B3GALT5: variants seen among roughly 807,000 people sequenced by gnomAD.
B3GALT5 encodes the protein UDP-Gal:betaGlcNAc beta 1,3-galactosyltransferase, polypeptide 5.
For synonymous variants in B3GALT5, 156 were observed against 158.6 expected (o/e 0.98, Z 0.12); for missense variants, 328 against 396.6 (o/e 0.83, Z 1.47).
rs993874286 is a variant in B3GALT5, at chr21:39,658,023, C to T, written c.-160-1730C>T. On this transcript the variant is annotated intron_variant, in intron 2 of 3. Transcript: ENST00000684187. Reference sequence around the variant, plus strand: ...CTAGGATCTGGGGACACAGGCTGCCCTTTCCAGGCTCTGTCTGCTGGTGCT... The same window carrying T: ...CTAGGATCTGGGGACACAGGCTGCCTTTTCCAGGCTCTGTCTGCTGGTGCT... 8 of 797,610 alleles carry T rather than the reference C, an allele frequency of 1.0e-5. No homozygotes were observed. The African/African-American group carries it at 1.2e-4, about 12-fold the overall frequency. 49.4% of individuals were successfully genotyped at this position (797,610 alleles called of 1,614,324 possible). A position where few individuals can be genotyped will look rare whatever the true frequency, so the allele number is the denominator to read the frequency against.
rs575154683 is a variant in B3GALT5, at chr21:39,670,852, T to G, written c.*9360T>G. The G allele has an allele frequency of 6.6e-6, 1 of 152,354 alleles. No homozygotes were observed. The highest frequency in any genetic ancestry group is 1.9e-4 in the East Asian group (1 of 5,194). The allele number at this position is 152,354 out of a possible 1,614,324, so 9.4% of individuals were successfully genotyped here. A position where few individuals can be genotyped will look rare whatever the true frequency, so the allele number is the denominator to read the frequency against. Reference sequence around the variant, plus strand: ...TCTAACAGCTGCCATGCACCCTCATTTTAAAAACAGATGAGGCAATGTTTA... The same window carrying G: ...TCTAACAGCTGCCATGCACCCTCATGTTAAAAACAGATGAGGCAATGTTTA... On this transcript the variant is annotated 3_prime_UTR_variant, in exon 4 of 4. Coordinates refer to ENST00000684187, the MANE Select transcript of B3GALT5 (RefSeq NM_001356336.2).
At chr21:39,630,088 T>A (rs2079183649) in intron 1 of B3GALT5, among the ~76,000 whole-genome samples, 1 of 152,200 alleles carries the variant, frequency 6.6e-6, no homozygotes, top group African/African-American at 2.4e-5. Context: ...GGTCCTAGCG[T>A]ATTCTCTAAC....
chr21:39,625,888 C>A (rs778956316), intron 1 of B3GALT5, among the ~76,000 whole-genome samples: 4 of 152,118 alleles, frequency 2.6e-5, no homozygotes, highest in African/African-American at 4.8e-5. Context: ...TGCATGTTAT[C>A]TGTAAAGTTT....
At chr21:39,617,985 A>C (rs2079115476) in intron 1 of B3GALT5, among the ~76,000 whole-genome samples, 1 of 146,394 alleles carries the variant, frequency 6.8e-6, no homozygotes, top group Non-Finnish European at 1.5e-5. Context: ...GAAAAAAATA[A>C]ATAAATAAAA....
intron 2 of B3GALT5, among the ~76,000 whole-genome samples, chr21:39,647,327 G>A (rs182557344): frequency 6.6e-6 from 1 of 152,132 alleles, no homozygotes; most frequent in South Asian, 2.1e-4. Context: ...AAATCTGAGC[G>A]CTGGAAATTG....
At chr21:39,617,672 G>A (rs1039061605) in intron 1 of B3GALT5, among the ~76,000 whole-genome samples, 1 of 152,194 alleles carries the variant, frequency 6.6e-6, no homozygotes, top group Non-Finnish European at 1.5e-5. Context: ...TGTAGTTCAA[G>A]CTTGTCCAAC....
At chr21:39,659,649 C>T in intron 2 of B3GALT5, 104 bp from the exon 3 acceptor site, 1 of 620,482 alleles carries the variant, frequency 1.6e-6, no homozygotes, top group Non-Finnish European at 2.0e-6. Context: ...TGCTCAGAGT[C>T]ACATAAGTAG....
intron 1 of B3GALT5, among the ~76,000 whole-genome samples, chr21:39,622,264 A>G (rs1285544782): frequency 6.6e-6 from 1 of 152,050 alleles, no homozygotes; most frequent in African/African-American, 2.4e-5. Flanking sequence ...CTGTTTCTGT[A>G]TGGTTTAATA....
intron 1 of B3GALT5, among the ~76,000 whole-genome samples, chr21:39,639,333 T>TC (rs1835803633): frequency 3.2e-5 from 4 of 123,080 alleles, no homozygotes; most frequent in African/African-American, 6.3e-5. Context: ...TTTCTTTCTT[T>TC]CTTTCTTTCT....
At chr21:39,636,631 T>C (rs1023248287) in intron 1 of B3GALT5, among the ~76,000 whole-genome samples, 1 of 152,082 alleles carries the variant, frequency 6.6e-6, no homozygotes, top group African/African-American at 2.4e-5. Flanking sequence ...CACCTTATTG[T>C]TGCCCACGAA....
chr21:39,622,892 A>C (rs1181352441), intron 1 of B3GALT5, among the ~76,000 whole-genome samples: 1 of 151,662 alleles, frequency 6.6e-6, no homozygotes, highest in Non-Finnish European at 1.5e-5. Flanking sequence ...TATATTTTTA[A>C]TGATTATATT....
chr21:39,661,229 G>A lies in B3GALT5; in HGVS notation c.670G>A (p.Asp224Asn), dbSNP rs751818934. 3.1e-6 allele frequency: 5 copies of A among 1,614,036 alleles called. No homozygotes were observed. Among genetic ancestry groups the A allele is most frequent in the Non-Finnish European group, 3.4e-6 (4 of 1,180,058 alleles). Residue 224 changes from aspartate (D) to asparagine (N), a missense_variant, in exon 4 of 4, where the codon GAC becomes AAC. Asp to Asn is a conservative substitution (Grantham distance 23). Coordinates refer to ENST00000684187, the MANE Select transcript of B3GALT5 (RefSeq NM_001356336.2). This position sits in a 1 kb window ranked among gnomAD's most constrained non-coding sequence, Gnocchi z 4.7. ...CGGCACCGGCTACGTGTTTTCTGGC[G>A]ACGTGGCGAGTCAGGTGTACAATGT... ...CSGTGYVFSG[D>N]VASQVYNVSK...
chr21:39,625,784 G>T (rs183176652), intron 1 of B3GALT5, among the ~76,000 whole-genome samples: 1 of 152,142 alleles, frequency 6.6e-6, no homozygotes, highest in Non-Finnish European at 1.5e-5. Flanking sequence ...AGAACTCCAC[G>T]TTCCCTCTAG....
chr21:39,616,246 G>A (rs2079106856), intron 1 of B3GALT5, among the ~76,000 whole-genome samples: 1 of 152,068 alleles, frequency 6.6e-6, no homozygotes, highest in African/African-American at 2.4e-5. Context: ...TCCTATTCAC[G>A]TTTGCAATGC....
chr21:39,654,613 G>A (rs780613884), intron 2 of B3GALT5, among the ~76,000 whole-genome samples: 4 of 152,168 alleles, frequency 2.6e-5, no homozygotes, highest in East Asian at 3.8e-4. Context: ...AAATGGCGTC[G>A]CATGCTACAG....
intron 2 of B3GALT5, among the ~76,000 whole-genome samples, chr21:39,648,651 G>A (rs1421841259): frequency 1.3e-5 from 2 of 152,200 alleles, no homozygotes; most frequent in Non-Finnish European, 2.9e-5. Context: ...GTGCCATGCT[G>A]TATACAGCAG....
chr21:39,639,458 T>TC (rs1569212608), intron 1 of B3GALT5, among the ~76,000 whole-genome samples: 1 of 134,182 alleles, frequency 7.5e-6, no homozygotes, highest in African/African-American at 3.0e-5. Flanking sequence ...CTTTCTTTTT[T>TC]TCTTTCTCTC....
rs2079088595 is a variant in B3GALT5, at chr21:39,613,086, G to GCGCGGGT, written c.-392+25_-392+26insTCGCGGG. ...GCGCACGGTAAGGCCCGGGGCTGGG[G>GCGCGGGT]CGCGGGGCGCGGGGAGCGCTGGCCG... is the stretch of plus-strand genomic sequence containing the variant. On this transcript the variant is annotated intron_variant, in intron 1 of 3. Transcript: ENST00000684187. The GCGCGGGT allele has an allele frequency of 6.7e-6, 1 of 148,836 alleles. No homozygotes were observed. Among genetic ancestry groups the GCGCGGGT allele is most frequent in the African/African-American group, 2.4e-5 (1 of 41,012 alleles). 9.2% of individuals were successfully genotyped at this position (148,836 alleles called of 1,614,324 possible).
rs2079493064 is a variant in B3GALT5, at chr21:39,659,907, C to G, written c.-6C>G. 4 of 984,938 alleles carry G rather than the reference C, an allele frequency of 4.1e-6. No individual in the cohort carries two copies. In the South Asian group the frequency reaches 1.9e-4, roughly 46 times the overall value. 61.0% of individuals were successfully genotyped at this position (984,938 alleles called of 1,614,324 possible). On this transcript the variant is annotated 5_prime_UTR_variant, in exon 3 of 4. Transcript: ENST00000684187. ...CAAACCAGAGGTTCCTCTTACCCAG[C>G]AAAAAGTGAGTTATACGCTTTCTTA... is the stretch of plus-strand genomic sequence containing the variant.
Sources: allele counts gnomAD v4.1 joint callset (sites outside exome capture counted in the v4.1 genomes callset), GRCh38; gene constraint gnomAD v4.1.1; non-coding constraint Gnocchi (gnomAD v3.1); transcripts MANE v1.5; gene names NCBI Gene and HGNC (gene_info 2026-07-23, HGNC 2026-07-21).